IYD: variants seen among roughly 807,000 people sequenced by gnomAD.
The protein encoded by IYD is iodotyrosine deiodinase.
Under a neutral mutation model 28.4 loss-of-function variants are expected in IYD, and 25 were observed. That is an observed-to-expected ratio of 0.88 (90% CI 0.64 to 1.23). The LOEUF (loss-of-function observed/expected upper bound fraction) is 1.23, where lower values mean the gene tolerates loss of function less well. Among genes scored for constraint, IYD ranks in the 50% most tolerant of loss-of-function variants. The pLI, the probability that IYD is intolerant of heterozygous loss-of-function variation, is 0.00. For synonymous variants in IYD, 140 were observed against 130.8 expected (o/e 1.07, Z -0.48); for missense variants, 352 against 357.9 (o/e 0.98, Z 0.13).
chr6:150,390,618 C>T (rs1778079037), intron 2 of IYD, among the ~76,000 whole-genome samples: 1 of 152,128 alleles, frequency 6.6e-6, no homozygotes, highest in African/African-American at 2.4e-5. Flanking sequence ...GCCCTTCCTC[C>T]CTCCATAGGT....
At chr6:150,389,713 A>G (rs1480959976) in intron 2 of IYD, 170 bp downstream of exon 2, 1 of 637,642 alleles carries the variant, frequency 1.6e-6, no homozygotes, top group Non-Finnish European at 2.8e-6. Context: ...AATGACTTCT[A>G]CTTTCCACAT....
At chr6:150,370,016 G>A in intron 1 of IYD, 1 of 702,244 alleles carries the variant, frequency 1.4e-6, no homozygotes, top group Non-Finnish European at 2.6e-6. Flanking sequence ...GAGGCAGGTA[G>A]GAAGGGAGAG....
At chr6:150,382,749 A>G (rs565264750) in intron 1 of IYD, among the ~76,000 whole-genome samples, 1 of 152,300 alleles carries the variant, frequency 6.6e-6, no homozygotes, top group African/African-American at 2.4e-5. Context: ...TAAACCTATT[A>G]ATTGAATGTT....
intron 1 of IYD, chr6:150,370,728 G>C: frequency 3.3e-6 from 3 of 907,114 alleles, no homozygotes; most frequent in Non-Finnish European, 4.0e-6. Context: ...GCAGTGGAAG[G>C]CGTGGATCAG....
rs1667248007 is a variant in IYD, at chr6:150,401,603, C to T, written c.*3366C>T. On this transcript the variant is annotated 3_prime_UTR_variant, in exon 5 of 5. Transcript: ENST00000344419. ...CTAGAAAAGTAAGGATAATTTTCTTCCTTCTCACTGCAGCCCCAAGCTCTT... is the reference window on the plus strand; with the variant it reads ...CTAGAAAAGTAAGGATAATTTTCTTTCTTCTCACTGCAGCCCCAAGCTCTT... The T allele has an allele frequency of 6.6e-6, 1 of 152,204 alleles. No individual in the cohort carries two copies. The highest frequency in any genetic ancestry group is 1.5e-5 in the Non-Finnish European group (1 of 68,050). 9.4% of individuals were successfully genotyped at this position (152,204 alleles called of 1,614,324 possible). A position where few individuals can be genotyped will look rare whatever the true frequency, so the allele number is the denominator to read the frequency against.
chr6:150,394,186 GA>G lies in IYD; in HGVS notation c.624del (p.Val209SerfsTer17), dbSNP rs763040556. ...TACATGGTTTCGCCGCAAATGGCAA[GA>G]AAAAAGTCCACTACTACAATGAGAT... ...QVHGFAANGK[K>X]KVHYYNEISV... On this transcript the variant is annotated frameshift_variant, in exon 4 of 5. Transcript: ENST00000344419. LOFTEE classifies it high-confidence loss of function. The G allele has an allele frequency of 5.7e-5, 92 of 1,614,014 alleles. No individual in the cohort carries two copies. The highest frequency in any genetic ancestry group is 7.5e-5 in the Non-Finnish European group (88 of 1,180,028).
At chr6:150,397,971 C>G in intron 4 of IYD, 84 bp from the exon 5 acceptor site, 1 of 1,319,646 alleles carries the variant, frequency 7.6e-7, no homozygotes, top group Non-Finnish European at 1.1e-6. Context: ...CAGGTATAAT[C>G]AGGACAAGAA....
At position 150,403,825 on chromosome 6, in the gene IYD, GAGCAGGATGGAAATATGTT is replaced by G. The variant is rs1778574815; in HGVS notation, c.*5593_*5611del. 6.6e-6 allele frequency: 1 copy of G among 152,196 alleles called. No individual in the cohort carries two copies. Among genetic ancestry groups the G allele is most frequent in the African/African-American group, 2.4e-5 (1 of 41,446 alleles). 9.4% of individuals were successfully genotyped at this position (152,196 alleles called of 1,614,324 possible). On this transcript the variant is annotated 3_prime_UTR_variant, in exon 5 of 5. Coordinates refer to ENST00000344419, the MANE Select transcript of IYD (RefSeq NM_203395.3). ...ATTCAACAGCATTTAAATGTCTTTA[GAGCAGGATGGAAATATGTT>G]AGCAATGCCTGCAGAGTGCCAAGTA...
Position 150,401,302 on chromosome 6 carries a change from C to T in IYD, c.*3065C>T, listed in dbSNP as rs1324909669. On this transcript the variant is annotated 3_prime_UTR_variant, in exon 5 of 5. Coordinates refer to ENST00000344419, the MANE Select transcript of IYD (RefSeq NM_203395.3). ...TTGGGTTGTTTTGGAATGTCCCCCACTTGGAGAGTTTGAGGAATGGAAATG... is the reference window on the plus strand; with the variant it reads ...TTGGGTTGTTTTGGAATGTCCCCCATTTGGAGAGTTTGAGGAATGGAAATG... 6.6e-6 allele frequency: 1 copy of T among 152,098 alleles called. No individual in the cohort carries two copies. The highest frequency in any genetic ancestry group is 1.5e-5 in the Non-Finnish European group (1 of 68,026). 9.4% of individuals were successfully genotyped at this position (152,098 alleles called of 1,614,324 possible). A position where few individuals can be genotyped will look rare whatever the true frequency, so the allele number is the denominator to read the frequency against.
In IYD at chr6:150,404,446, C is replaced by T. The variant is rs1344883782; in HGVS notation, c.*6209C>T. The stretch of plus-strand genomic sequence containing the variant: ...CATGAAAAGTATTAGACTAGATTTA[C>T]TATAAGTTTAATGTATTAGATTTAC... On this transcript the variant is annotated 3_prime_UTR_variant, in exon 5 of 5. Coordinates refer to ENST00000344419, the MANE Select transcript of IYD (RefSeq NM_203395.3). 1 of 152,086 alleles carries T rather than the reference C, an allele frequency of 6.6e-6. No homozygotes were observed. Among genetic ancestry groups the T allele is most frequent in the Non-Finnish European group, 1.5e-5 (1 of 68,022 alleles). 9.4% of individuals were successfully genotyped at this position (152,086 alleles called of 1,614,324 possible).
intron 3 of IYD, 89 bp from the exon 4 acceptor site, chr6:150,394,009 GT>G: frequency 7.7e-7 from 1 of 1,304,482 alleles, no homozygotes; most frequent in Non-Finnish European, 1.1e-6. Context: ...GAGTAAATAT[GT>G]TTTTATTTTT....
intron 1 of IYD, among the ~76,000 whole-genome samples, chr6:150,370,271 GTGTT>G (rs1777181034): frequency 6.6e-6 from 1 of 151,168 alleles, no homozygotes; most frequent in Non-Finnish European, 1.5e-5. Flanking sequence ...GTGCATGTGA[GTGTT>G]CATTAATGTG....
chr6:150,380,526 G>GA (rs1777608849), intron 1 of IYD, among the ~76,000 whole-genome samples: 1 of 151,992 alleles, frequency 6.6e-6, no homozygotes, highest in African/African-American at 2.4e-5. Flanking sequence ...ATCCTATTTA[G>GA]AAAAAAATAA....
chr6:150,389,313 G>C (rs1323441837), intron 1 of IYD, 39 bp from the exon 2 acceptor site: 1 of 1,526,298 alleles, frequency 6.6e-7, no homozygotes, highest in Admixed American at 1.7e-5. Flanking sequence ...ATGACCAAGG[G>C]ATCATTTAGT....
chr6:150,369,238 T>C (rs1777133579), intron 1 of IYD, 29 bp downstream of exon 1: 1 of 1,605,222 alleles, frequency 6.2e-7, no homozygotes, highest in Admixed American at 1.7e-5. Context: ...CTGCTTAGCT[T>C]CGCTGTCGTG....
rs1384806188 is a variant in IYD, at chr6:150,394,083, T to C, written c.531-16T>C. The C allele has an allele frequency of 6.2e-7, 1 of 1,613,308 alleles. No homozygotes were observed. Among genetic ancestry groups the C allele is most frequent in the Non-Finnish European group, 8.5e-7 (1 of 1,179,496 alleles). ...ATATGGGCAAATATTATCCTGAATC[T>C]CTTTTCTCTTCACAGAACCAACTGG... On this transcript the variant is annotated splice_polypyrimidine_tract_variant and intron_variant, in intron 3 of 4. Coordinates refer to ENST00000344419, the MANE Select transcript of IYD (RefSeq NM_203395.3).
intron 3 of IYD, among the ~76,000 whole-genome samples, chr6:150,393,826 C>T (rs116846248): frequency 0.022 from 3,318 of 152,272 alleles, 36 homozygotes; most frequent in Middle Eastern, 0.071. Context: ...TGAATTTTGA[C>T]CCAGTGCATG....
chr6:150,370,696 G>C, intron 1 of IYD: 1 of 983,346 alleles, frequency 1.0e-6, no homozygotes, highest in Non-Finnish European at 1.2e-6. Context: ...GGATGGCCTG[G>C]ATGGTGGGGG....
intron 1 of IYD, chr6:150,384,696 A>C (rs1368974365): frequency 6.6e-6 from 1 of 152,346 alleles, no homozygotes; most frequent in Middle Eastern, 3.4e-3. Context: ...TGAAATGAAG[A>C]AACAGTATTC....
Sources: allele counts gnomAD v4.1 joint callset (sites outside exome capture counted in the v4.1 genomes callset), GRCh38; gene constraint gnomAD v4.1.1; transcripts MANE v1.5; gene names NCBI Gene and HGNC (gene_info 2026-07-23, HGNC 2026-07-21).